RAD50: variants seen among roughly 807,000 people sequenced by gnomAD.
RAD50 encodes the protein RAD50 double strand break repair protein, also known as DNA repair protein RAD50.
In RAD50, 132 loss-of-function variants were observed where a neutral mutation model predicts 168.8. The ratio of observed to expected loss-of-function variants is 0.78; its 90% CI spans 0.68 to 0.90. The LOEUF (loss-of-function observed/expected upper bound fraction) is 0.90, where lower values mean the gene tolerates loss of function less well. RAD50 is among the 40% of genes least tolerant of loss of function. The pLI, the probability that RAD50 is intolerant of heterozygous loss-of-function variation, is 0.00. For synonymous variants in RAD50, 525 were observed against 497.4 expected (o/e 1.06, Z -0.74); for missense variants, 1,347 against 1,534.4 (o/e 0.88, Z 2.04).
chr5:132,579,868 T>G lies in RAD50; in HGVS notation c.558T>G (p.Ile186Met), dbSNP rs1278218078. The change falls in exon 5 of 25, where the codon ATT becomes ATG. Residue 186 changes from isoleucine (I) to methionine (M), a missense_variant. By Grantham distance (10) the Ile-to-Met change is conservative (BLOSUM62 1). This residue lies in a region of RAD50 where 703 missense variants were observed against 767.7 expected (regional missense o/e 0.92). Coordinates refer to ENST00000378823, the MANE Select transcript of RAD50 (RefSeq NM_005732.4). ...FDEIFSATRY[I>M]KALETLRQVR... is the part of the protein sequence containing the mutation. Reference sequence around the variant, plus strand: ...TTGTTTCATATCTTCAAAGATACATTAAAGCCTTAGAAACACTTCGGCAGG... The same window carrying G: ...TTGTTTCATATCTTCAAAGATACATGAAAGCCTTAGAAACACTTCGGCAGG... 1 of 1,610,026 alleles carries G rather than the reference T, an allele frequency of 6.2e-7. No individual in the cohort carries two copies. Among genetic ancestry groups the G allele is most frequent in the Non-Finnish European group, 8.5e-7 (1 of 1,176,528 alleles).
intron 19 of RAD50, among the ~76,000 whole-genome samples, chr5:132,609,610 T>C (rs561966141): frequency 2.0e-5 from 3 of 152,166 alleles, no homozygotes; most frequent in East Asian, 1.9e-4. Context: ...AGTGAAACCC[T>C]GTCTGTACTG....
At chr5:132,586,133 G>A (rs563092178) in intron 5 of RAD50, among the ~76,000 whole-genome samples, 2 of 151,992 alleles carry the variant, frequency 1.3e-5, no homozygotes, top group Non-Finnish European at 2.9e-5. Flanking sequence ...TTACAATTAA[G>A]TATATGCTTC....
At position 132,618,171 on chromosome 5, in the gene RAD50, A is replaced by G; in HGVS notation, c.3266A>G (p.Lys1089Arg). ...TATGAAGAAGAAATTATTCATTTTA[A>G]GAAAGAACTTCGAGAACCACAATTT... ...KGYEEEIIHF[K>R]KELREPQFRD... is the part of the protein sequence containing the mutation. Residue 1089 changes from lysine to arginine, a missense_variant, in exon 21 of 25, where the codon AAG becomes AGG. Physicochemically the swap from Lys to Arg is conservative, Grantham distance 26. Coordinates refer to ENST00000378823, the MANE Select transcript of RAD50 (RefSeq NM_005732.4). 1 of 1,613,958 alleles carries G rather than the reference A, an allele frequency of 6.2e-7. No individual in the cohort carries two copies. The highest frequency in any genetic ancestry group is 8.5e-7 in the Non-Finnish European group (1 of 1,179,942).
intron 6 of RAD50, 50 bp downstream of exon 6, chr5:132,587,740 A>G (rs749680852): frequency 4.3e-6 from 7 of 1,610,824 alleles, no homozygotes; most frequent in Admixed American, 1.7e-5. Flanking sequence ...GGATTATTGT[A>G]ATGAACTTTA....
intron 13 of RAD50, among the ~76,000 whole-genome samples, chr5:132,596,700 A>T (rs1750797571): frequency 6.6e-6 from 1 of 152,232 alleles, no homozygotes; most frequent in Non-Finnish European, 1.5e-5. Context: ...TCCAGGAGCT[A>T]ATGGTCTGAT....
At chr5:132,625,089 C>CTTT (rs1160789107) in intron 21 of RAD50, among the ~76,000 whole-genome samples, 1 of 140,578 alleles carries the variant, frequency 7.1e-6, no homozygotes, top group African/African-American at 2.6e-5. Flanking sequence ...ATTTTGAATT[C>CTTT]TTTTTTTTTT....
intron 2 of RAD50, among the ~76,000 whole-genome samples, chr5:132,573,002 G>A (rs1341704662): frequency 6.6e-6 from 1 of 152,168 alleles, no homozygotes; most frequent in East Asian, 1.9e-4. Flanking sequence ...CTGAGTTAAT[G>A]GTAACTTATC....
intron 2 of RAD50, among the ~76,000 whole-genome samples, chr5:132,574,806 G>A (rs938017351): frequency 2.0e-5 from 3 of 152,268 alleles, no homozygotes; most frequent in Admixed American, 2.0e-4. Flanking sequence ...TCCTAGGGCA[G>A]GGGCAAAATG....
At chr5:132,568,690 G>C (rs1318245181) in intron 2 of RAD50, among the ~76,000 whole-genome samples, 1 of 152,196 alleles carries the variant, frequency 6.6e-6, no homozygotes, top group African/African-American at 2.4e-5. Context: ...CACCTTTAAG[G>C]TGCTAGGGAA....
At position 132,557,241 on chromosome 5, in the gene RAD50, C is replaced by T; in HGVS notation, c.-84C>T. On this transcript the variant is annotated 5_prime_UTR_variant, in exon 1 of 25. Transcript: ENST00000378823. ...TCCTGACCCTGAGATTCGCGGGTCTCACGTCCCGTGCACGCCTTGCTTCGG... is the reference window on the plus strand; with the variant it reads ...TCCTGACCCTGAGATTCGCGGGTCTTACGTCCCGTGCACGCCTTGCTTCGG... 6.4e-7 allele frequency: 1 copy of T among 1,555,998 alleles called. No homozygotes were observed. Among genetic ancestry groups the T allele is most frequent in the East Asian group, 2.2e-5 (1 of 44,572 alleles).
Position 132,638,179 on chromosome 5 carries a change from GAC to G in RAD50, c.3578_3579del (p.Thr1193SerfsTer26). ...CTACCGAGTGGTGATGCTGAAGGGA[GAC>G]ACAGCCTTGGATATGCGAGGACGAT... ...YNYRVVMLKG[D>X]TALDMRGRCS... On this transcript the variant is annotated frameshift_variant, in exon 23 of 25. Coordinates refer to ENST00000378823, the MANE Select transcript of RAD50 (RefSeq NM_005732.4). LOFTEE classifies it high-confidence loss of function. The G allele has an allele frequency of 6.2e-7, 1 of 1,614,222 alleles. No individual in the cohort carries two copies.
chr5:132,640,796 CT>C lies in RAD50; in HGVS notation c.3744del (p.Leu1249TrpfsTer4), dbSNP rs2149865865. On this transcript the variant is annotated frameshift_variant, in exon 24 of 25. Coordinates refer to ENST00000378823, the MANE Select transcript of RAD50 (RefSeq NM_005732.4). LOFTEE classifies it high-confidence loss of function. ...DRENIESLAH[A>X]LVEIIKSRSQ... ...GAAAACATTGAATCTCTTGCACATG[CT>C]CTGGTTGAGTAAGTATCTCTTGCAC... 1 of 1,613,196 alleles carries C rather than the reference CT, an allele frequency of 6.2e-7. No individual in the cohort carries two copies. Among genetic ancestry groups the C allele is most frequent in the Non-Finnish European group, 8.5e-7 (1 of 1,179,476 alleles).
chr5:132,559,368 G>T lies in RAD50; in HGVS notation c.213+1G>T, dbSNP rs765484171. ...AAATACATTTGTACACGATCCCAAG[G>T]TAATGGTGCTAGTACAATTTTGTAT... On this transcript the variant is annotated splice_donor_variant, in intron 2 of 24. Transcript: ENST00000378823. LOFTEE classifies it high-confidence loss of function. 14 of 1,607,072 alleles carry T rather than the reference G, an allele frequency of 8.7e-6. No homozygotes were observed. The highest frequency in any genetic ancestry group is 1.0e-5 in the Non-Finnish European group (12 of 1,176,342).
At chr5:132,602,530 T>C (rs1750906272) in intron 13 of RAD50, among the ~76,000 whole-genome samples, 1 of 152,202 alleles carries the variant, frequency 6.6e-6, no homozygotes, top group Non-Finnish European at 1.5e-5. Flanking sequence ...TTTCACTTAG[T>C]GGCTGGCTTC....
At chr5:132,611,647 A>G (rs1288549804) in intron 19 of RAD50, among the ~76,000 whole-genome samples, 1 of 149,168 alleles carries the variant, frequency 6.7e-6, no homozygotes, top group Non-Finnish European at 1.5e-5. Context: ...CAGAGCTTGC[A>G]GTGAGCCGAG....
At chr5:132,591,839 T>A (rs567642924) in intron 10 of RAD50, 38 bp from the exon 11 acceptor site, 2 of 1,482,342 alleles carry the variant, frequency 1.3e-6, no homozygotes, top group Non-Finnish European at 9.4e-7. Context: ...TGTGGAGATA[T>A]AGACTTTATT....
chr5:132,586,498 G>T (rs187727699), intron 5 of RAD50, among the ~76,000 whole-genome samples: 1 of 152,256 alleles, frequency 6.6e-6, no homozygotes, highest in African/African-American at 2.4e-5. Context: ...CCTATTGCAT[G>T]TTCTGGGGAT....
At chr5:132,557,550 C>T in intron 1 of RAD50, 97 bp downstream of exon 1, 2 of 1,546,478 alleles carry the variant, frequency 1.3e-6, no homozygotes, top group South Asian at 1.1e-5. Flanking sequence ...AGAAGCGTCC[C>T]TAGGGCTCCA....
At position 132,589,642 on chromosome 5, in the gene RAD50, A is replaced by G. The variant is rs1580993347; in HGVS notation, c.1257A>G (p.Ala419=). 2 of 1,587,036 alleles carry G rather than the reference A, an allele frequency of 1.3e-6. No homozygotes were observed. Among genetic ancestry groups the G allele is most frequent in the African/African-American group, 1.4e-5 (1 of 73,414 alleles). ...ACATATGCATTTAGAATGACTTTGC[A>G]GAAAAAGAGACTCTGAAACAAAAAC... The part of the protein sequence containing the change: ...KTANQLMNDF[A]EKETLKQKQI... The change falls in exon 9 of 25, where the codon GCA becomes GCG. Residue 419 remains alanine (A), a synonymous_variant. Coordinates refer to ENST00000378823, the MANE Select transcript of RAD50 (RefSeq NM_005732.4).
Sources: allele counts gnomAD v4.1 joint callset (sites outside exome capture counted in the v4.1 genomes callset), GRCh38; gene constraint gnomAD v4.1.1; regional missense constraint gnomAD v4.1.1; transcripts MANE v1.5; gene names NCBI Gene and HGNC (gene_info 2026-07-23, HGNC 2026-07-21).